EXOC5: variants seen among roughly 807,000 people sequenced by gnomAD.
The protein encoded by EXOC5 is SEC10-like 1.
EXOC5 carries 17 observed loss-of-function variants against 90.8 expected under a neutral mutation model. The observed-to-expected ratio is 0.19, with a 90% confidence interval of 0.13 to 0.28. The LOEUF is 0.28. Among genes scored for constraint, EXOC5 ranks in the 10% least tolerant of loss-of-function variants. The pLI, the probability that EXOC5 is intolerant of heterozygous loss-of-function variation, is 1.00. For synonymous variants in EXOC5, 260 were observed against 270.0 expected (o/e 0.96, Z 0.36); for missense variants, 569 against 830.6 (o/e 0.69, Z 3.87).
intron 12 of EXOC5, among the ~76,000 whole-genome samples, chr14:57,228,269 TACA>T (rs544216768): frequency 6.8e-4 from 103 of 152,286 alleles, no homozygotes; most frequent in African/African-American, 2.3e-3. Context: ...TGTAAACTAG[TACA>T]ACCATTGTGG....
intron 1 of EXOC5, chr14:57,268,414 C>CG: frequency 7.1e-7 from 1 of 1,402,268 alleles, no homozygotes; most frequent in Non-Finnish European, 9.4e-7. Flanking sequence ...GCCGACCGGC[C>CG]GCCCAGCCCA....
chr14:57,243,074 T>C (rs1165789905), intron 4 of EXOC5, among the ~76,000 whole-genome samples: 1 of 152,128 alleles, frequency 6.6e-6, no homozygotes, highest in Non-Finnish European at 1.5e-5. Context: ...CACAGTGATA[T>C]AATGGACTTT....
chr14:57,251,028 A>G (rs1884172851), intron 1 of EXOC5, among the ~76,000 whole-genome samples: 1 of 152,178 alleles, frequency 6.6e-6, no homozygotes. Context: ...AAGATGGTGG[A>G]GTAAATCTGT....
chr14:57,238,369 T>C (rs374921879), intron 5 of EXOC5, among the ~76,000 whole-genome samples: 13,909 of 98,216 alleles, frequency 0.14, 1,263 homozygotes, highest in African/African-American at 0.34. Context: ...TATATATATA[T>C]ATATATACAC....
At chr14:57,263,009 G>A (rs1401715153) in intron 1 of EXOC5, among the ~76,000 whole-genome samples, 1 of 152,018 alleles carries the variant, frequency 6.6e-6, no homozygotes, top group African/African-American at 2.4e-5. Context: ...CTTACCAAAT[G>A]ACAAGAACTA....
At chr14:57,256,048 C>G (rs1884339703) in intron 1 of EXOC5, among the ~76,000 whole-genome samples, 1 of 151,990 alleles carries the variant, frequency 6.6e-6, no homozygotes, top group African/African-American at 2.4e-5. Context: ...TCTTGGTGCC[C>G]AAAGAAGGAA....
At chr14:57,266,231 G>A (rs1884665413) in intron 1 of EXOC5, among the ~76,000 whole-genome samples, 1 of 152,108 alleles carries the variant, frequency 6.6e-6, no homozygotes, top group African/African-American at 2.4e-5. Context: ...TCTCCAGCTG[G>A]GACTAAGAAA....
chr14:57,257,685 T>TAG (rs1409815035), intron 1 of EXOC5, among the ~76,000 whole-genome samples: 3 of 151,880 alleles, frequency 2.0e-5, no homozygotes, highest in Non-Finnish European at 4.4e-5. Context: ...AAATAAAAAA[T>TAG]AAATAAATAA....
At chr14:57,239,954 C>A (rs141333291) in intron 4 of EXOC5, among the ~76,000 whole-genome samples, 3 of 152,054 alleles carry the variant, frequency 2.0e-5, no homozygotes, top group Non-Finnish European at 4.4e-5. Context: ...AAGTTTATTC[C>A]AAAGAAATTT....
At chr14:57,220,651 T>A (rs1024488734) in intron 13 of EXOC5, among the ~76,000 whole-genome samples, 1 of 151,750 alleles carries the variant, frequency 6.6e-6, no homozygotes, top group African/African-American at 2.4e-5. Context: ...AAAGAAAAAA[T>A]TAGCTAGGTG....
chr14:57,237,793 G>A (rs1037086734), intron 5 of EXOC5: 1 of 152,486 alleles, frequency 6.6e-6, no homozygotes, highest in Non-Finnish European at 1.5e-5. Context: ...TCCCATGGTT[G>A]GTATTTTTAA....
chr14:57,209,846 C>G, intron 16 of EXOC5, 64 bp from the exon 17 acceptor site: 1 of 1,304,472 alleles, frequency 7.7e-7, no homozygotes, highest in Non-Finnish European at 1.1e-6. Context: ...AGAGGAAATA[C>G]AGTTTCTCAT....
chr14:57,248,949 T>A (rs948284885), intron 1 of EXOC5, among the ~76,000 whole-genome samples: 1 of 152,098 alleles, frequency 6.6e-6, no homozygotes, highest in Admixed American at 6.5e-5. Context: ...ATTTTTAACG[T>A]CATCTAAAAT....
At chr14:57,253,898 G>A (rs1486142011) in intron 1 of EXOC5, among the ~76,000 whole-genome samples, 1 of 152,002 alleles carries the variant, frequency 6.6e-6, no homozygotes, top group Non-Finnish European at 1.5e-5. Context: ...AAAACCCTTA[G>A]AAGAAAATAC....
At chr14:57,225,064 A>G (rs1469232521) in intron 12 of EXOC5, among the ~76,000 whole-genome samples, 1 of 150,650 alleles carries the variant, frequency 6.6e-6, no homozygotes, top group Non-Finnish European at 1.5e-5. Context: ...TCCGTCTCCA[A>G]AAAAAAAAGG....
At chr14:57,214,734 T>C (rs1274247676) in intron 15 of EXOC5, among the ~76,000 whole-genome samples, 1 of 152,134 alleles carries the variant, frequency 6.6e-6, no homozygotes, top group African/African-American at 2.4e-5. Flanking sequence ...ACAGTTGTGA[T>C]TGAAGGAAAT....
rs767384249 is a variant in EXOC5 at position 57,209,646 on chromosome 14, T to G, written c.1859A>C (p.Gln620Pro). 6 of 1,613,186 alleles carry G rather than the reference T, an allele frequency of 3.7e-6. No homozygotes were observed. In the African/African-American group the frequency reaches 8.0e-5, roughly 22 times the overall value. Residue 620 changes from glutamine (Q) to proline (P), a missense_variant, in exon 17 of 18, where the codon CAA becomes CCA. Physicochemically the swap from Gln to Pro is moderately conservative, Grantham distance 76 (BLOSUM62 -1). Around this residue, in one of 9 missense-constraint regions of EXOC5, gnomAD observed 122 missense variants for 180.0 expected, o/e 0.68. Transcript: ENST00000621441. The part of the protein sequence containing the change: ...FHRLIYEHLQ[Q>P]YSYSCMGGML... ...GCCACCCATACAACTGTAGGAATAT[T>G]GTTGAAGATGCTCATAGATAAGTCG...
At chr14:57,241,945 A>G (rs909807227) in intron 4 of EXOC5, among the ~76,000 whole-genome samples, 3 of 151,998 alleles carry the variant, frequency 2.0e-5, no homozygotes, top group Non-Finnish European at 4.4e-5. Flanking sequence ...CATCCTGGCT[A>G]ACATGGTGAA....
chr14:57,265,444 G>A (rs527388468), intron 1 of EXOC5, among the ~76,000 whole-genome samples: 15 of 152,192 alleles, frequency 9.9e-5, no homozygotes, highest in African/African-American at 1.9e-4. Flanking sequence ...AAGAACTGGC[G>A]GGGCACGGTG....
Sources: allele counts gnomAD v4.1 joint callset (sites outside exome capture counted in the v4.1 genomes callset), GRCh38; gene constraint gnomAD v4.1.1; regional missense constraint gnomAD v4.1.1; transcripts MANE v1.5; gene names NCBI Gene and HGNC (gene_info 2026-07-23, HGNC 2026-07-21).